PARN: variants seen among roughly 807,000 people sequenced by gnomAD.
PARN encodes poly(A)-specific ribonuclease PARN.
In PARN, 71 loss-of-function variants were observed where a neutral mutation model predicts 102.8. The ratio of observed to expected loss-of-function variants is 0.69; its 90% CI spans 0.57 to 0.84. PARN has a LOEUF of 0.84. Ranked by LOEUF, PARN falls within the 40% of genes least tolerant of loss-of-function variation. The pLI is 0.00. For missense variants in PARN, 782 were observed against 760.9 expected (o/e 1.03, Z -0.33); for synonymous variants, 261 against 252.9 (o/e 1.03, Z -0.30).
At chr16:14,617,443 A>G in intron 6 of PARN, 147 bp downstream of exon 6, 1 of 579,414 alleles carries the variant, frequency 1.7e-6, no homozygotes, top group Non-Finnish European at 3.1e-6. Flanking sequence ...AAGGCTGCAT[A>G]TGTGTACTGG....
Position 14,436,635 on chromosome 16 carries a change from A to T in PARN, c.*82T>A. On this transcript the variant is annotated 3_prime_UTR_variant, in exon 24 of 24. Coordinates refer to ENST00000437198, the MANE Select transcript of PARN (RefSeq NM_002582.4). ...CTCCCATACCACATTTGATTAAGTT[A>T]AATACAGTGCGGCTTCCAAATGTGC... The T allele has an allele frequency of 9.9e-7, 1 of 1,013,700 alleles. No individual in the cohort carries two copies. The highest frequency in any genetic ancestry group is 1.5e-6 in the Non-Finnish European group (1 of 659,324). The allele number at this position is 1,013,700 out of a possible 1,614,324, so 62.8% of individuals were successfully genotyped here.
At chr16:14,483,603 C>T (rs569073827) in intron 21 of PARN, among the ~76,000 whole-genome samples, 2 of 152,060 alleles carry the variant, frequency 1.3e-5, no homozygotes, top group Non-Finnish European at 2.9e-5. Context: ...AATTTGTACA[C>T]CCACATGTCA....
Position 14,536,563 on chromosome 16 carries a change from C to T in PARN, c.1480+15458G>A, listed in dbSNP as rs553795176. 1.4e-4 allele frequency among the ~76,000 whole-genome samples: 22 copies of T among 152,178 alleles called. No homozygotes were observed. In the East Asian group the frequency reaches 2.3e-3, roughly 16 times the overall value. ...TACCTGCTTTCTAAAGTGTGCTGTG[C>T]GATCTTGATCCTGCAGATGTATCGT... On this transcript the variant is annotated intron_variant, in intron 21 of 23. Coordinates refer to ENST00000437198, the MANE Select transcript of PARN (RefSeq NM_002582.4).
At chr16:14,484,251 T>C (rs1390205779) in intron 21 of PARN, among the ~76,000 whole-genome samples, 1 of 152,236 alleles carries the variant, frequency 6.6e-6, no homozygotes, top group Non-Finnish European at 1.5e-5. Flanking sequence ...TCTGATCCCA[T>C]GCTGCCCCCT....
intron 6 of PARN, among the ~76,000 whole-genome samples, chr16:14,616,349 C>G (rs1441082719): frequency 6.6e-6 from 1 of 152,200 alleles, no homozygotes; most frequent in African/African-American, 2.4e-5. Context: ...TCCTCAGGTG[C>G]TCCCCAGGCC....
chr16:14,595,359 AAC>A (rs927000847), intron 12 of PARN, among the ~76,000 whole-genome samples: 169 of 151,770 alleles, frequency 1.1e-3, no homozygotes, highest in African/African-American at 3.9e-3. Flanking sequence ...CACACACACA[AAC>A]ACACACACAC....
intron 5 of PARN, among the ~76,000 whole-genome samples, chr16:14,619,826 C>T (rs1346095686): frequency 6.6e-6 from 1 of 151,686 alleles, no homozygotes. Flanking sequence ...AATCCCAGCA[C>T]TTTCGGAGGC....
chr16:14,526,735 C>T (rs1966031748), intron 21 of PARN, among the ~76,000 whole-genome samples: 1 of 152,202 alleles, frequency 6.6e-6, no homozygotes, highest in Non-Finnish European at 1.5e-5. Flanking sequence ...TTGTAGCCAT[C>T]CTATGTCTCC....
intron 11 of PARN, chr16:14,601,751 C>G (rs538111486): frequency 9.9e-5 from 15 of 151,652 alleles, no homozygotes; most frequent in African/African-American, 3.1e-4. Flanking sequence ...GGCGAAACCC[C>G]GTCTCTACTA....
chr16:14,610,577 AT>A (rs1971466083), intron 7 of PARN, 66 bp downstream of exon 7: 5 of 931,600 alleles, frequency 5.4e-6, no homozygotes, highest in Non-Finnish European at 8.8e-6. Flanking sequence ...CAGGTTTGAG[AT>A]ATAGATGCCT....
At chr16:14,554,255 T>G in intron 19 of PARN, 104 bp from the exon 20 acceptor site, 1 of 727,710 alleles carries the variant, frequency 1.4e-6, no homozygotes, top group Non-Finnish European at 2.3e-6. Context: ...AGAACTGTTA[T>G]GAATTCCTCA....
Position 14,630,221 on chromosome 16 carries a change from G to C in PARN, c.-96C>G, listed in dbSNP as rs942920360. ...CCGCGGCGACTGCGGCAGTAGCTGA[G>C]GCAGCCGCAGCGGTGACGCCGGCCG... On this transcript the variant is annotated 5_prime_UTR_variant, in exon 1 of 24. Coordinates refer to ENST00000437198, the MANE Select transcript of PARN (RefSeq NM_002582.4). The C allele has an allele frequency of 1.1e-5, 12 of 1,122,568 alleles. No individual in the cohort carries two copies. Among genetic ancestry groups the C allele is most frequent in the Admixed American group, 8.9e-5 (4 of 44,976 alleles). The allele number at this position is 1,122,568 out of a possible 1,614,324, so 69.5% of individuals were successfully genotyped here. A position where few individuals can be genotyped will look rare whatever the true frequency, so the allele number is the denominator to read the frequency against.
chr16:14,588,336 A>G (rs941389374), intron 13 of PARN, among the ~76,000 whole-genome samples: 3 of 152,228 alleles, frequency 2.0e-5, no homozygotes, highest in African/African-American at 7.2e-5. Context: ...CCTGTTATGC[A>G]TGGGTAAAAA....
At chr16:14,512,515 C>T (rs1156306493) in intron 21 of PARN, among the ~76,000 whole-genome samples, 2 of 152,006 alleles carry the variant, frequency 1.3e-5, no homozygotes, top group Non-Finnish European at 2.9e-5. Context: ...ATCATCTCAC[C>T]CAACCTGATC....
At chr16:14,596,348 T>G (rs1354073577) in intron 12 of PARN, among the ~76,000 whole-genome samples, 4 of 151,510 alleles carry the variant, frequency 2.6e-5, no homozygotes, top group African/African-American at 9.7e-5. Context: ...AAGTAAACAG[T>G]AAAAATCCTA....
At chr16:14,607,169 A>C (rs1020093773) in intron 9 of PARN, among the ~76,000 whole-genome samples, 1 of 152,040 alleles carries the variant, frequency 6.6e-6, no homozygotes, top group African/African-American at 2.4e-5. Context: ...AAATATAAAA[A>C]TGTTTCCTAA....
intron 21 of PARN, among the ~76,000 whole-genome samples, chr16:14,535,175 T>C (rs1206386581): frequency 6.6e-6 from 1 of 152,220 alleles, no homozygotes; most frequent in Non-Finnish European, 1.5e-5. Context: ...TATAATCTTA[T>C]CACCTGAAAG....
intron 22 of PARN, among the ~76,000 whole-genome samples, chr16:14,471,695 C>T (rs1162286290): frequency 6.6e-6 from 1 of 152,158 alleles, no homozygotes; most frequent in Non-Finnish European, 1.5e-5. Flanking sequence ...CACCGCTCTA[C>T]TTTCTGTCTC....
intron 21 of PARN, among the ~76,000 whole-genome samples, chr16:14,516,262 T>G (rs1269014060): frequency 6.6e-6 from 1 of 151,984 alleles, no homozygotes; most frequent in African/African-American, 2.4e-5. Context: ...AAGATCCAAA[T>G]AGCTATAATA....
Sources: gnomAD v4.1 joint callset for allele counts (sites outside exome capture counted in the v4.1 genomes callset) on GRCh38, gnomAD v4.1.1 for gene constraint, MANE v1.5 for transcripts, NCBI Gene and HGNC (gene_info 2026-07-23, HGNC 2026-07-21) for gene names.